PRDM5: variants seen among roughly 807,000 people sequenced by gnomAD.
The protein encoded by PRDM5 is PR domain zinc finger protein 5.
Under a neutral mutation model 81.2 loss-of-function variants are expected in PRDM5, and 56 were observed. The ratio of observed to expected loss-of-function variants is 0.69; its 90% CI spans 0.56 to 0.86. The LOEUF (loss-of-function observed/expected upper bound fraction) is 0.86. Among genes scored for constraint, PRDM5 ranks in the 40% least tolerant of loss-of-function variants. The probability of loss-of-function intolerance (pLI) is 0.00; values close to 1 mark genes in which losing one functional copy is unlikely to be tolerated. For missense variants in PRDM5, 697 were observed against 770.1 expected, an observed-to-expected ratio of 0.91 and a Z score of 1.12; for synonymous variants, 267 against 256.4, an observed-to-expected ratio of 1.04 and a Z score of -0.39.
chr4:120,865,619 G>C (rs1315272682), intron 2 of PRDM5, among the ~76,000 whole-genome samples: 1 of 152,110 alleles, frequency 6.6e-6, no homozygotes, highest in African/African-American at 2.4e-5. Flanking sequence ...GGATTTGCTC[G>C]AGGTCAGATG....
In PRDM5 at chr4:120,754,375, T is replaced by C. The variant is rs185802140; in HGVS notation, c.1623+178A>G. Among the ~76,000 whole-genome samples, 15 of 152,300 alleles carry C rather than the reference T, an allele frequency of 9.8e-5. No homozygotes were observed. The East Asian group carries it at 1.9e-3, about 20-fold the overall frequency. ...TTGAGGTTTCAATTTGTGTTTTTTTTCTTCTTTTCTTTCATTGTTTTATCT... is the reference window on the plus strand; with the variant it reads ...TTGAGGTTTCAATTTGTGTTTTTTTCCTTCTTTTCTTTCATTGTTTTATCT... On this transcript the variant is annotated intron_variant, in intron 14 of 15. Transcript: ENST00000264808.
At chr4:120,784,348 G>A (rs1749453885) in intron 11 of PRDM5, among the ~76,000 whole-genome samples, 1 of 152,114 alleles carries the variant, frequency 6.6e-6, no homozygotes, top group South Asian at 2.1e-4. Flanking sequence ...TGAGACAGTA[G>A]CAAGTAGGAA....
At chr4:120,880,799 G>C (rs1762771921) in intron 2 of PRDM5, among the ~76,000 whole-genome samples, 1 of 151,992 alleles carries the variant, frequency 6.6e-6, no homozygotes, top group South Asian at 2.1e-4. Context: ...TGACAAAGCT[G>C]GTTCGTCTTT....
chr4:120,841,260 T>C (rs540454782), intron 3 of PRDM5, among the ~76,000 whole-genome samples: 2 of 152,324 alleles, frequency 1.3e-5, no homozygotes, highest in Non-Finnish European at 2.9e-5. Context: ...GAGTACAGTA[T>C]ATAAAGTACA....
intron 13 of PRDM5, among the ~76,000 whole-genome samples, chr4:120,765,086 A>G (rs1746190556): frequency 6.6e-6 from 1 of 152,192 alleles, no homozygotes; most frequent in African/African-American, 2.4e-5. Flanking sequence ...AATATTCTAA[A>G]AAGAATAAAT....
rs17345577 is a variant in PRDM5 at position 120,693,855 on chromosome 4, C to T, written c.*1256G>A. 24,071 of 152,096 alleles carry T rather than the reference C, an allele frequency of 0.16. 2,438 individuals are homozygous for T. The highest frequency in any genetic ancestry group is 0.24 in the Non-Finnish European group (16,165 of 67,938). The allele number at this position is 152,096 out of a possible 1,614,324, so 9.4% of individuals were successfully genotyped here. A position where few individuals can be genotyped will look rare whatever the true frequency, so the allele number is the denominator to read the frequency against. Reference sequence around the variant, plus strand: ...ATTCCTCCAGGTTATTTTGACATCACTATTACATTGTATCATATCATCTCT... The same window carrying T: ...ATTCCTCCAGGTTATTTTGACATCATTATTACATTGTATCATATCATCTCT... On this transcript the variant is annotated 3_prime_UTR_variant, in exon 16 of 16. Coordinates refer to ENST00000264808, the MANE Select transcript of PRDM5 (RefSeq NM_018699.4).
intron 6 of PRDM5, 53 bp from the exon 7 acceptor site, chr4:120,816,627 C>T (rs2149337143): frequency 6.2e-7 from 1 of 1,611,504 alleles, no homozygotes. Flanking sequence ...GACATACCTA[C>T]AAAACTCAAA....
intron 11 of PRDM5, among the ~76,000 whole-genome samples, chr4:120,781,817 C>G (rs1410953365): frequency 6.6e-6 from 1 of 152,180 alleles, no homozygotes; most frequent in East Asian, 1.9e-4. Flanking sequence ...CCCTCCCATT[C>G]TGGGAGAGGG....
At chr4:120,760,929 A>T (rs1745519434) in intron 13 of PRDM5, among the ~76,000 whole-genome samples, 1 of 152,196 alleles carries the variant, frequency 6.6e-6, no homozygotes, top group Non-Finnish European at 1.5e-5. Flanking sequence ...CAAAACAAGG[A>T]TATAGGTTTA....
chr4:120,724,730 T>C (rs745397484), intron 14 of PRDM5, among the ~76,000 whole-genome samples: 8 of 152,172 alleles, frequency 5.3e-5, no homozygotes, highest in Non-Finnish European at 1.2e-4. Context: ...AAAACATACT[T>C]ATCCCATTAC....
intron 1 of PRDM5, among the ~76,000 whole-genome samples, chr4:120,685,596 G>A (rs1315360720): frequency 6.6e-6 from 1 of 152,018 alleles, no homozygotes; most frequent in East Asian, 1.9e-4. Flanking sequence ...AGCATATATA[G>A]GTGAAATATT....
intron 13 of PRDM5, among the ~76,000 whole-genome samples, chr4:120,761,473 T>C (rs969496548): frequency 1.3e-5 from 2 of 152,220 alleles, no homozygotes; most frequent in African/African-American, 4.8e-5. Context: ...AGATGTTCCA[T>C]ATAGATGGAA....
chr4:120,753,926 T>C (rs985963056), intron 14 of PRDM5, among the ~76,000 whole-genome samples: 2 of 152,194 alleles, frequency 1.3e-5, no homozygotes, highest in Admixed American at 1.3e-4. Context: ...GTGAGTAAGC[T>C]GCTTACATTT....
In PRDM5 at chr4:120,695,142, A is replaced by G. The variant is rs970486399; in HGVS notation, c.1862T>C (p.Met621Thr). ...GTCAGCTACACCATGGATATTGTCC[A>G]TGTGCACTTTGAGGTAGTCATTCCT... ...FTRNDYLKVH[M>T]DNIHGVADS The change falls in exon 16 of 16, where the codon ATG becomes ACG. Residue 621 changes from methionine (M) to threonine (T), a missense_variant. Met to Thr is a moderately conservative substitution (Grantham distance 81, BLOSUM62 -1). Around this residue, in one of 3 missense-constraint regions of PRDM5, gnomAD observed 34 missense variants for 28.1 expected, o/e 1.21. Transcript: ENST00000264808. 3.1e-6 allele frequency: 5 copies of G among 1,613,248 alleles called. No individual in the cohort carries two copies. Among genetic ancestry groups the G allele is most frequent in the Admixed American group, 3.3e-5 (2 of 59,974 alleles).
At chr4:120,687,508 A>C (rs187644564), downstream of PRDM5, among the ~76,000 whole-genome samples, 8 of 152,052 alleles carry the variant, frequency 5.3e-5, no homozygotes, top group Admixed American at 2.6e-4. Flanking sequence ...TGTACATGAA[A>C]TTTTCTTTAT....
At chr4:120,825,066 G>C (rs1755784029) in intron 3 of PRDM5, among the ~76,000 whole-genome samples, 1 of 152,134 alleles carries the variant, frequency 6.6e-6, no homozygotes, top group Non-Finnish European at 1.5e-5. Context: ...CAACCAAAGA[G>C]AGCAGGACTT....
intron 14 of PRDM5, among the ~76,000 whole-genome samples, chr4:120,745,548 A>G (rs1742858154): frequency 6.7e-6 from 1 of 149,216 alleles, no homozygotes; most frequent in Non-Finnish European, 1.5e-5. Flanking sequence ...GTCTCAGCCC[A>G]AAATCTCCTT....
At chr4:120,909,307 T>C (rs1766206695) in intron 1 of PRDM5, among the ~76,000 whole-genome samples, 1 of 152,156 alleles carries the variant, frequency 6.6e-6, no homozygotes, top group East Asian at 1.9e-4. Flanking sequence ...CAGCTTTCCA[T>C]TGACTACAAT....
intron 2 of PRDM5, among the ~76,000 whole-genome samples, chr4:120,875,673 T>C (rs895416279): frequency 2.6e-5 from 4 of 152,104 alleles, no homozygotes; most frequent in Non-Finnish European, 5.9e-5. Context: ...GGGGAGAGTA[T>C]GATGTGAAAG....
Sources: gnomAD v4.1 joint callset for allele counts (sites outside exome capture counted in the v4.1 genomes callset) on GRCh38, gnomAD v4.1.1 for gene constraint, gnomAD v4.1.1 regional missense constraint, MANE v1.5 for transcripts, NCBI Gene and HGNC (gene_info 2026-07-23, HGNC 2026-07-21) for gene names.